The following PPID variants were observed in gnomAD, a reference collection of about 807,000 sequenced individuals.
PPID encodes the protein peptidylprolyl isomerase D.
In PPID, 47 loss-of-function variants were observed where a neutral mutation model predicts 48.1. That is an observed-to-expected ratio of 0.98 (90% CI 0.77 to 1.25). The LOEUF is 1.25. PPID is among the 50% of genes most tolerant of loss of function. The pLI is 0.00. For missense variants in PPID, 429 were observed against 443.5 expected, an observed-to-expected ratio of 0.97 and a Z score of 0.29; for synonymous variants, 163 against 148.8, an observed-to-expected ratio of 1.10 and a Z score of -0.69.
chr4:158,713,995 A>T lies in PPID; in HGVS notation c.753-735T>A, dbSNP rs527608125. Among the ~76,000 whole-genome samples, 102 of 152,276 alleles carry T rather than the reference A, an allele frequency of 6.7e-4. 1 individual carries two copies. The highest frequency in any genetic ancestry group is 2.3e-3 in the African/African-American group (95 of 41,552). On this transcript the variant is annotated intron_variant, in intron 6 of 9. Transcript: ENST00000307720. Reference sequence around the variant, plus strand: ...CCAAAAGTTCCAGACCAGCCTGGGCAATATAAAGGAGGCCTTGTTTCTATA... The same window carrying T: ...CCAAAAGTTCCAGACCAGCCTGGGCTATATAAAGGAGGCCTTGTTTCTATA...
Position 158,723,348 on chromosome 4 carries a change from C to T in PPID, c.-60G>A. The T allele has an allele frequency of 6.6e-7, 1 of 1,526,442 alleles. No homozygotes were observed. The highest frequency in any genetic ancestry group is 9.0e-7 in the Non-Finnish European group (1 of 1,106,846). 94.6% of individuals were successfully genotyped at this position (1,526,442 alleles called of 1,614,324 possible). ...GAGTACCTAGTGGCCGCCCGGGCCG[C>T]CCAAACTCCAGAGTCCGTCTCCGCC... is the stretch of plus-strand genomic sequence containing the variant. On this transcript the variant is annotated 5_prime_UTR_variant, in exon 1 of 10. Coordinates refer to ENST00000307720, the MANE Select transcript of PPID (RefSeq NM_005038.3).
At chr4:158,713,932 T>C (rs965978073) in intron 6 of PPID, among the ~76,000 whole-genome samples, 23 of 152,074 alleles carry the variant, frequency 1.5e-4, no homozygotes, top group African/African-American at 5.5e-4. Flanking sequence ...CTCTAGTCCC[T>C]GCTACTTGGG....
chr4:158,714,647 G>C (rs1443284024), intron 6 of PPID, among the ~76,000 whole-genome samples: 1 of 151,316 alleles, frequency 6.6e-6, no homozygotes, highest in Admixed American at 6.6e-5. Context: ...CTGGAGTGCA[G>C]TGGCATAATC....
chr4:158,719,932 G>A (rs562805052), intron 2 of PPID, among the ~76,000 whole-genome samples: 5 of 152,270 alleles, frequency 3.3e-5, no homozygotes, highest in African/African-American at 1.2e-4. Flanking sequence ...GCAGAGTCTG[G>A]AAAAATCCAT....
At chr4:158,718,113 G>A (rs1386041155) in intron 3 of PPID, among the ~76,000 whole-genome samples, 49 of 152,172 alleles carry the variant, frequency 3.2e-4, no homozygotes, top group Admixed American at 3.1e-3. Context: ...CTATGTCAAT[G>A]TGATCATCAC....
Position 158,721,537 on chromosome 4 carries a change from TA to T in PPID, c.86-55del, listed in dbSNP as rs551528768. ...GCAAAACAACCAAATAGACAAATGA[TA>T]AAAAGAAGGTTGGTATAATTATGGT... On this transcript the variant is annotated intron_variant, in intron 1 of 9. Transcript: ENST00000307720. The T allele has an allele frequency of 6.5e-4, 1,023 of 1,565,806 alleles. 13 individuals carry two copies. The Middle Eastern group carries it at 0.011, about 17-fold the overall frequency.
rs1774884343 is a variant in PPID at position 158,717,098 on chromosome 4, G to A, written c.436C>T (p.His146Tyr). The change falls in exon 4 of 10, where the codon CAT becomes TAT. Residue 146 changes from histidine to tyrosine, a missense_variant. Coordinates refer to ENST00000307720, the MANE Select transcript of PPID (RefSeq NM_005038.3). The part of the protein sequence containing the change: ...TVPTPHLDGK[H>Y]VVFGQVIKGI... ...TTAATTACTTGGCCAAACACCACAT[G>A]TTTCCCATCCAAATGAGGAGTTGGA... The A allele has an allele frequency of 6.2e-7, 1 of 1,613,568 alleles. No homozygotes were observed. The highest frequency in any genetic ancestry group is 1.3e-5 in the African/African-American group (1 of 74,944).
intron 7 of PPID, 28 bp from the exon 8 acceptor site, chr4:158,710,876 A>G: frequency 2.6e-6 from 4 of 1,558,512 alleles, no homozygotes; most frequent in South Asian, 1.1e-5. Context: ...GCTAGTATTT[A>G]TATCAAAGTA....
chr4:158,714,378 T>G (rs941797257), intron 6 of PPID, among the ~76,000 whole-genome samples: 2 of 152,172 alleles, frequency 1.3e-5, no homozygotes, highest in Non-Finnish European at 2.9e-5. Context: ...TGCCAAAATA[T>G]TTCACCTCAA....
At chr4:158,716,613 A>C (rs1774875945) in intron 4 of PPID, among the ~76,000 whole-genome samples, 1 of 151,524 alleles carries the variant, frequency 6.6e-6, no homozygotes, top group East Asian at 1.9e-4. Context: ...AAATTATTAT[A>C]ACATTTTTCC....
chr4:158,709,746 ATT>A lies in PPID; in HGVS notation c.1101_1102del (p.Lys367AsnfsTer29). The stretch of plus-strand genomic sequence containing the variant: ...AAAACTGAATCCTTTCTAAGCAAAC[ATT>A]TTTGCATATACTGCCTTCTCTTTAT... On this transcript the variant is annotated frameshift_variant, in exon 10 of 10. Coordinates refer to ENST00000307720, the MANE Select transcript of PPID (RefSeq NM_005038.3). LOFTEE classifies it high-confidence loss of function. The A allele has an allele frequency of 6.2e-7, 1 of 1,603,962 alleles. No homozygotes were observed.
intron 3 of PPID, among the ~76,000 whole-genome samples, chr4:158,718,775 C>T (rs919372861): frequency 6.6e-6 from 1 of 152,214 alleles, no homozygotes; most frequent in Non-Finnish European, 1.5e-5. Context: ...GGAGCTTGGA[C>T]ATTTAACTAT....
At chr4:158,711,998 G>A (rs1212193923) in intron 7 of PPID, among the ~76,000 whole-genome samples, 1 of 152,038 alleles carries the variant, frequency 6.6e-6, no homozygotes, top group Non-Finnish European at 1.5e-5. Context: ...CTTTTGATAA[G>A]TTTTTTCCTC....
At chr4:158,721,575 C>T in intron 1 of PPID, 92 bp from the exon 2 acceptor site, 1 of 1,400,368 alleles carries the variant, frequency 7.1e-7, no homozygotes, top group South Asian at 1.4e-5. Context: ...GCAGATCAAT[C>T]ATGAATTACC....
At chr4:158,709,906 C>T in intron 9 of PPID, 82 bp from the exon 10 acceptor site, 6 of 1,163,472 alleles carry the variant, frequency 5.2e-6, no homozygotes, top group Non-Finnish European at 7.4e-6. Context: ...TTAATGTTAA[C>T]TACCCCTTGA....
chr4:158,720,146 G>T (rs1474749626), intron 2 of PPID, among the ~76,000 whole-genome samples: 17 of 152,164 alleles, frequency 1.1e-4, no homozygotes, highest in Admixed American at 1.1e-3. Flanking sequence ...ACACATTCAT[G>T]TTTGTACAAA....
At position 158,723,375 on chromosome 4, in the gene PPID, G is replaced by C; in HGVS notation, c.-87C>G. On this transcript the variant is annotated 5_prime_UTR_variant, in exon 1 of 10. Coordinates refer to ENST00000307720, the MANE Select transcript of PPID (RefSeq NM_005038.3). Reference sequence around the variant, plus strand: ...CAAACTCCAGAGTCCGTCTCCGCCGGAGACCGGCAGCGACGCTGACCGGCC... The same window carrying C: ...CAAACTCCAGAGTCCGTCTCCGCCGCAGACCGGCAGCGACGCTGACCGGCC... 2 of 1,360,188 alleles carry C rather than the reference G, an allele frequency of 1.5e-6. No individual in the cohort carries two copies. Among genetic ancestry groups the C allele is most frequent in the Non-Finnish European group, 2.1e-6 (2 of 972,164 alleles). 84.3% of individuals were successfully genotyped at this position (1,360,188 alleles called of 1,614,324 possible).
rs376492785 is a variant in PPID, at chr4:158,723,310, G to A, written c.-22C>T. 32 of 1,608,970 alleles carry A rather than the reference G, an allele frequency of 2.0e-5. No homozygotes were observed. Among genetic ancestry groups the A allele is most frequent in the Non-Finnish European group, 2.7e-5 (32 of 1,175,976 alleles). On this transcript the variant is annotated 5_prime_UTR_variant, in exon 1 of 10. Coordinates refer to ENST00000307720, the MANE Select transcript of PPID (RefSeq NM_005038.3). The stretch of plus-strand genomic sequence containing the variant: ...ACATCTTGACTTGCAGACGTGTTTA[G>A]TACGGAATATCAGAGTACCTAGTGG...
In PPID at chr4:158,715,523, C is replaced by T. The variant is rs1438565189; in HGVS notation, c.645+39G>A. Reference sequence around the variant, plus strand: ...TTTTAGTACTAAATATTTTCACTTACTAAATTAATTAAAGTTTGACTAATC... The same window carrying T: ...TTTTAGTACTAAATATTTTCACTTATTAAATTAATTAAAGTTTGACTAATC... On this transcript the variant is annotated intron_variant, in intron 5 of 9. Coordinates refer to ENST00000307720, the MANE Select transcript of PPID (RefSeq NM_005038.3). 3.7e-6 allele frequency: 6 copies of T among 1,601,722 alleles called. No individual in the cohort carries two copies. The African/African-American group carries it at 4.0e-5, about 11-fold the overall frequency.
Sources: allele counts gnomAD v4.1 joint callset (sites outside exome capture counted in the v4.1 genomes callset), GRCh38; gene constraint gnomAD v4.1.1; transcripts MANE v1.5; gene names NCBI Gene and HGNC (gene_info 2026-07-23, HGNC 2026-07-21).